Variants in ZGRF1 observed in about 807,000 individuals in gnomAD.
ZGRF1 encodes the protein 5'-3' DNA helicase ZGRF1.
In ZGRF1, 196 loss-of-function variants were observed where a neutral mutation model predicts 203.5. The observed-to-expected ratio is 0.96, with a 90% CI of 0.86 to 1.08. The LOEUF (loss-of-function observed/expected upper bound fraction) is 1.08. Among genes scored for constraint, ZGRF1 ranks in the 50% least tolerant of loss-of-function variants. The probability of loss-of-function intolerance (pLI) is 0.00; values close to 1 mark genes in which losing one functional copy is unlikely to be tolerated. For missense variants in ZGRF1, 2,326 were observed against 2,416.3 expected (o/e 0.96, Z 0.78); for synonymous variants, 809 against 841.3 (o/e 0.96, Z 0.66).
At chr4:112,546,637 A>C (rs1266550699) in intron 24 of ZGRF1, 1 of 152,218 alleles carries the variant, frequency 6.6e-6, no homozygotes, top group Non-Finnish European at 1.5e-5. Context: ...GGTTCCTCAT[A>C]AAAGGATGGA....
intron 10 of ZGRF1, among the ~76,000 whole-genome samples, chr4:112,601,103 A>C (rs1749884646): frequency 8.5e-6 from 1 of 117,260 alleles, no homozygotes; most frequent in South Asian, 2.4e-4. Context: ...ACTCCATCTC[A>C]AAAAAAAAAA....
chr4:112,636,612 A>G (rs2047653833), intron 1 of ZGRF1: 1 of 152,142 alleles, frequency 6.6e-6, no homozygotes, highest in Admixed American at 6.5e-5. Flanking sequence ...CTAAATACAA[A>G]CAGCAAAGCC....
Position 112,585,635 on chromosome 4 carries a change from C to T in ZGRF1, c.4007G>A (p.Gly1336Glu). ...ATTTTCTGCGTTTTTCAGTTTCTCT[C>T]CCTTCAATGATGTATAAAATGATAT... ...VDISFYTSLK[G>E]EKLKNAENNV... is the part of the protein sequence containing the mutation. The change falls in exon 14 of 28, where the codon GGA becomes GAA. Residue 1336 changes from glycine (G) to glutamate (E), a missense_variant. Gly to Glu is a moderately conservative substitution (Grantham distance 98, BLOSUM62 -2). Coordinates refer to ENST00000505019, the MANE Select transcript of ZGRF1 (RefSeq NM_018392.5). 6.2e-7 allele frequency: 1 copy of T among 1,610,780 alleles called. No individual in the cohort carries two copies. The highest frequency in any genetic ancestry group is 8.5e-7 in the Non-Finnish European group (1 of 1,178,488).
chr4:112,550,024 C>T (rs1400277284), intron 22 of ZGRF1, among the ~76,000 whole-genome samples: 1 of 152,072 alleles, frequency 6.6e-6, no homozygotes, highest in Non-Finnish European at 1.5e-5. Flanking sequence ...AACCCCGTCT[C>T]TACTAAACAT....
intron 13 of ZGRF1, among the ~76,000 whole-genome samples, 174 bp from the exon 14 acceptor site, chr4:112,585,899 C>G (rs535037701): frequency 3.4e-5 from 5 of 144,946 alleles, no homozygotes; most frequent in African/African-American, 1.3e-4. Context: ...TGTAACACTT[C>G]TAGTTAAAAA....
intron 16 of ZGRF1, among the ~76,000 whole-genome samples, chr4:112,574,663 A>C (rs759483420): frequency 6.6e-6 from 1 of 152,220 alleles, no homozygotes; most frequent in Non-Finnish European, 1.5e-5. Context: ...CTATGTGAGG[A>C]CCAATGACTA....
Position 112,558,220 on chromosome 4 carries a change from C to A in ZGRF1, c.5050G>T (p.Gly1684Ter). The A allele has an allele frequency of 6.2e-7, 1 of 1,606,708 alleles. No individual in the cohort carries two copies. The highest frequency in any genetic ancestry group is 2.3e-5 in the East Asian group (1 of 44,272). The change falls in exon 20 of 28, where the codon GGA becomes TGA. Residue 1684 changes from glycine to a stop codon, truncating the protein, a stop_gained. Transcript: ENST00000505019. LOFTEE classifies it high-confidence loss of function. ...LFEKSEAPTI[G>*]NARPWKLLIS... ...AGAAGTTTCCACGGCCTTGCATTTC[C>A]AATGGTGGGAGCTTCACTCTTTTCA...
At chr4:112,576,566 C>T (rs150542388) in intron 16 of ZGRF1, among the ~76,000 whole-genome samples, 647 of 152,148 alleles carry the variant, frequency 4.3e-3, no homozygotes, top group African/African-American at 0.015. Context: ...GAATAACCAA[C>T]GCACAGAAGT....
At position 112,586,582 on chromosome 4, in the gene ZGRF1, T is replaced by C; in HGVS notation, c.3779A>G (p.Glu1260Gly). Residue 1260 changes from glutamate (E) to glycine (G), a missense_variant and splice_region_variant, in exon 13 of 28, where the codon GAG becomes GGG. By Grantham distance (98) the Glu-to-Gly change is moderately conservative (BLOSUM62 -2). Transcript: ENST00000505019. ...CYNYSVKDLQ[E>G]ISGSELCFPS... ...AAAGCACAGCTCAGAGCCACTTATC[T>C]CCTGCAATGGAATAATTCAAGTTAT... 6.2e-7 allele frequency: 1 copy of C among 1,600,886 alleles called. No homozygotes were observed. Among genetic ancestry groups the C allele is most frequent in the Non-Finnish European group, 8.5e-7 (1 of 1,172,538 alleles).
rs374462034 is a variant in ZGRF1 at position 112,634,684 on chromosome 4, T to C, written c.-66-1442A>G. ...AAATAAAAGGGCGAGGCGGGGGCGG[T>C]GAAGTGCAAGAAAGTGACTGGCATC... On this transcript the variant is annotated intron_variant, in intron 1 of 27. Transcript: ENST00000505019. Among the ~76,000 whole-genome samples the C allele has an allele frequency of 5.8e-4, 87 of 150,420 alleles. No individual in the cohort carries two copies. In the East Asian group the frequency reaches 0.012, roughly 21 times the overall value.
chr4:112,588,714 T>C lies in ZGRF1; in HGVS notation c.3128-785A>G, dbSNP rs116557485. Among the ~76,000 whole-genome samples the C allele has an allele frequency of 6.3e-3, 962 of 152,324 alleles. 17 individuals carry two copies. Among genetic ancestry groups the C allele is most frequent in the African/African-American group, 0.021 (863 of 41,584 alleles). The stretch of plus-strand genomic sequence containing the variant: ...TATCTGACAATACTATGGATTCCTA[T>C]TTTATAATAATGTGCCTTCCTGACA... On this transcript the variant is annotated intron_variant, in intron 11 of 27. Transcript: ENST00000505019.
Position 112,623,826 on chromosome 4 carries a change from T to C in ZGRF1, c.153A>G (p.Lys51=), listed in dbSNP as rs2047141141. Residue 51 remains lysine, a synonymous_variant, in exon 4 of 28, where the codon AAA becomes AAG. Coordinates refer to ENST00000505019, the MANE Select transcript of ZGRF1 (RefSeq NM_018392.5). ...KGACLESLFL[K]CLEVKPGDDL... is the part of the protein sequence containing the mutation. ...AAACACACTAAAATACCTCAAGGCA[T>C]TTAAGAAACAGACTCTCCAAACATG... The C allele has an allele frequency of 5.7e-6, 9 of 1,570,526 alleles. No homozygotes were observed.
rs776348546 is a variant in ZGRF1 at position 112,560,915 on chromosome 4, T to G, written c.4778A>C (p.Lys1593Thr). Residue 1593 changes from lysine to threonine, a missense_variant, in exon 19 of 28, where the codon AAA becomes ACA. Physicochemically the swap from Lys to Thr is moderately conservative, Grantham distance 78 (BLOSUM62 -1). Transcript: ENST00000505019. Reference sequence around the variant, plus strand: ...TGCTCCTAGGCTGAGTAGTTCAAATTTTGTACTGACATTTGTGAAGGCTGG... The same window carrying G: ...TGCTCCTAGGCTGAGTAGTTCAAATGTTGTACTGACATTTGTGAAGGCTGG... ...IPPAFTNVST[K>T]FELLSLGATL... is the part of the protein sequence containing the mutation. The G allele has an allele frequency of 6.2e-7, 1 of 1,613,354 alleles. No individual in the cohort carries two copies. Among genetic ancestry groups the G allele is most frequent in the Non-Finnish European group, 8.5e-7 (1 of 1,179,492 alleles).
Position 112,563,222 on chromosome 4 carries a change from G to A in ZGRF1, c.4491C>T (p.Ile1497=), listed in dbSNP as rs1417909785. The change falls in exon 17 of 28, where the codon ATC becomes ATT. Residue 1497 remains isoleucine, a synonymous_variant. Coordinates refer to ENST00000505019, the MANE Select transcript of ZGRF1 (RefSeq NM_018392.5). ...KTLDFELDTF[I]ACSAFFGPSS... is the part of the protein sequence containing the mutation. ...ATGGTCCAAAGAAAGCACTACATGC[G>A]ATAAAAGTATCCAGCTCAAAGTCTA... The A allele has an allele frequency of 9.7e-6, 15 of 1,550,966 alleles. No homozygotes were observed. Among genetic ancestry groups the A allele is most frequent in the Admixed American group, 3.9e-5 (2 of 50,966 alleles).
rs77072337 is a variant in ZGRF1 at position 112,598,827 on chromosome 4, T to C, written c.2976+4697A>G. Among the ~76,000 whole-genome samples, 466 of 152,076 alleles carry C rather than the reference T, an allele frequency of 3.1e-3. 2 individuals carry two copies. The highest frequency in any genetic ancestry group is 0.011 in the African/African-American group (450 of 41,470). On this transcript the variant is annotated intron_variant, in intron 10 of 27. Transcript: ENST00000505019. The stretch of plus-strand genomic sequence containing the variant: ...ACACTTTGGGGGGTCAAGGCAGGTG[T>C]ATCGGTTGAGCCCAGGAGTTCAAGA...
At chr4:112,581,479 T>G (rs1305856839) in intron 16 of ZGRF1, among the ~76,000 whole-genome samples, 184 bp downstream of exon 16, 1 of 151,068 alleles carries the variant, frequency 6.6e-6, no homozygotes, top group Non-Finnish European at 1.5e-5. Context: ...AGCCCTAATA[T>G]CTTAAAAATA....
intron 16 of ZGRF1, among the ~76,000 whole-genome samples, chr4:112,569,871 A>C (rs1743888226): frequency 1.3e-5 from 2 of 152,290 alleles, no homozygotes; most frequent in East Asian, 3.9e-4. Context: ...TGAAACTAAT[A>C]CTAGTCAAAA....
At chr4:112,554,633 A>G in intron 21 of ZGRF1, 72 bp downstream of exon 21, 1 of 731,510 alleles carries the variant, frequency 1.4e-6, no homozygotes, top group South Asian at 1.6e-5. Context: ...ATCAAACTTA[A>G]GGTAAGAGTG....
chr4:112,617,684 T>G lies in ZGRF1; in HGVS notation c.2358A>C (p.Glu786Asp), dbSNP rs1459918273. The G allele has an allele frequency of 6.2e-7, 1 of 1,614,056 alleles. No individual in the cohort carries two copies. Among genetic ancestry groups the G allele is most frequent in the South Asian group, 1.1e-5 (1 of 91,070 alleles). ...KDTEAHISEP[E>D]DLGKIRSPPP... is the part of the protein sequence containing the mutation. The stretch of plus-strand genomic sequence containing the variant: ...GTGGACTTCTAATCTTTCCCAAATC[T>G]TCAGGTTCAGATATATGTGCTTCTG... The change falls in exon 6 of 28, where the codon GAA becomes GAC. Residue 786 changes from glutamate (E) to aspartate (D), a missense_variant. Glu to Asp is a conservative substitution (Grantham distance 45). Coordinates refer to ENST00000505019, the MANE Select transcript of ZGRF1 (RefSeq NM_018392.5).
Sources: allele counts gnomAD v4.1 joint callset (sites outside exome capture counted in the v4.1 genomes callset), GRCh38; gene constraint gnomAD v4.1.1; transcripts MANE v1.5; gene names NCBI Gene and HGNC (gene_info 2026-07-23, HGNC 2026-07-21).